FOXRED1: variants seen among roughly 807,000 people sequenced by gnomAD.
FOXRED1 encodes FAD dependent oxidoreductase domain containing 1, also known as FAD-dependent oxidoreductase domain-containing protein 1.
A neutral mutation model predicts 57.8 loss-of-function variants in FOXRED1; 52 were observed. The observed-to-expected ratio is 0.90, with a 90% CI of 0.72 to 1.13. FOXRED1 has a LOEUF of 1.13. Among genes scored for constraint, FOXRED1 ranks in the 50% most tolerant of loss-of-function variants. The pLI, the probability that FOXRED1 is intolerant of heterozygous loss-of-function variation, is 0.00. For missense variants in FOXRED1, 589 were observed against 625.2 expected (o/e 0.94, Z 0.62); for synonymous variants, 271 against 248.3 (o/e 1.09, Z -0.86).
In FOXRED1 at chr11:126,271,659, T is replaced by G. The variant is rs1389667497; in HGVS notation, c.306+2T>G. 4 of 1,611,784 alleles carry G rather than the reference T, an allele frequency of 2.5e-6. No individual in the cohort carries two copies. The highest frequency in any genetic ancestry group is 3.4e-6 in the Non-Finnish European group (4 of 1,178,618). ...CTAGTGGTGGAACGGGACCACACGG[T>G]GAGGTCTGGGGTAGGGCAGAGTCAT... is the stretch of plus-strand genomic sequence containing the variant. On this transcript the variant is annotated splice_donor_variant, in intron 2 of 10. Transcript: ENST00000263578. LOFTEE classifies it high-confidence loss of function. This position sits in a 1 kb window ranked among gnomAD's most constrained non-coding sequence, Gnocchi z 5.3.
At position 126,275,921 on chromosome 11, in the gene FOXRED1, G is replaced by A. The variant is rs1409317584; in HGVS notation, c.810+51G>A. Reference sequence around the variant, plus strand: ...TTACCAAAATGGAGGGACAGGGAAGGTAGTGACTCTCCTTGTTTTGGTTTT... The same window carrying A: ...TTACCAAAATGGAGGGACAGGGAAGATAGTGACTCTCCTTGTTTTGGTTTT... On this transcript the variant is annotated intron_variant, in intron 7 of 10. Transcript: ENST00000263578. The surrounding 1 kb of genome is among the most constrained non-coding windows in gnomAD (Gnocchi z 5.9). The A allele has an allele frequency of 5.2e-6, 8 of 1,535,692 alleles. No individual in the cohort carries two copies. The highest frequency in any genetic ancestry group is 7.2e-6 in the Non-Finnish European group (8 of 1,108,712).
In FOXRED1 at chr11:126,276,060, T is replaced by G. The variant is rs1008727781; in HGVS notation, c.812T>G (p.Val271Gly). Residue 271 changes from valine to glycine, a missense_variant and splice_region_variant, in exon 8 of 11, where the codon GTG becomes GGG. Transcript: ENST00000263578. ...VVLKRIHEVHVKMDRSLEYQP... is the reference protein window; with the variant it reads ...VVLKRIHEVHGKMDRSLEYQP... ...CTCCTCACCCTCTGGTGTCTGCAGG[T>G]GAAGATGGACCGCAGCCTGGAGTAC... 6 of 1,612,508 alleles carry G rather than the reference T, an allele frequency of 3.7e-6. No homozygotes were observed. In the African/African-American group the frequency reaches 6.7e-5, roughly 18 times the overall value.
chr11:126,275,386 G>A lies in FOXRED1; in HGVS notation c.691G>A (p.Val231Ile), dbSNP rs36109211. 6.8e-6 allele frequency: 11 copies of A among 1,613,888 alleles called. No individual in the cohort carries two copies. The African/African-American group carries it at 8.0e-5, about 12-fold the overall frequency. Residue 231 changes from valine to isoleucine, a missense_variant, in exon 6 of 11, where the codon GTC becomes ATC. Physicochemically the swap from Val to Ile is conservative, Grantham distance 29 (BLOSUM62 3). Coordinates refer to ENST00000263578, the MANE Select transcript of FOXRED1 (RefSeq NM_017547.4). This position sits in a 1 kb window ranked among gnomAD's most constrained non-coding sequence, Gnocchi z 5.9. ...TCTGCTCCAGGGGCTTCGGCGAAAG[G>A]TCCAGTCCTTGGGAGTCCTTTTCTG... ...WCLLQGLRRK[V>I]QSLGVLFCQG... is the part of the protein sequence containing the mutation.
At position 126,275,393 on chromosome 11, in the gene FOXRED1, C is replaced by T. The variant is rs1951101466; in HGVS notation, c.698C>T (p.Ser233Phe). ...LLQGLRRKVQ[S>F]LGVLFCQGEV... ...CAGGGGCTTCGGCGAAAGGTCCAGTCCTTGGGAGTCCTTTTCTGCCAGGGA... is the reference window on the plus strand; with the variant it reads ...CAGGGGCTTCGGCGAAAGGTCCAGTTCTTGGGAGTCCTTTTCTGCCAGGGA... Residue 233 changes from serine (S) to phenylalanine (F), a missense_variant, in exon 6 of 11, where the codon TCC becomes TTC. Ser to Phe is a radical substitution (Grantham distance 155). Transcript: ENST00000263578. The surrounding 1 kb of genome is among the most constrained non-coding windows in gnomAD (Gnocchi z 5.9). The T allele has an allele frequency of 1.9e-6, 3 of 1,613,824 alleles. No individual in the cohort carries two copies. The highest frequency in any genetic ancestry group is 2.5e-6 in the Non-Finnish European group (3 of 1,179,758).
rs113109739 is a variant in FOXRED1, at chr11:126,276,798, C to A, written c.1102-273C>A. ...GGCTGAGGCAGGAGAATCACTGGAACCCGGGAGGCTGAGGTTGCAGTGAGC... is the reference window on the plus strand; with the variant it reads ...GGCTGAGGCAGGAGAATCACTGGAAACCGGGAGGCTGAGGTTGCAGTGAGC... On this transcript the variant is annotated intron_variant, in intron 9 of 10. Coordinates refer to ENST00000263578, the MANE Select transcript of FOXRED1 (RefSeq NM_017547.4). The A allele has an allele frequency of 0.015, 7,367 of 487,754 alleles. 62 individuals carry two copies. Among genetic ancestry groups the A allele is most frequent in the Non-Finnish European group, 0.022 (5,993 of 266,948 alleles). 30.2% of individuals were successfully genotyped at this position (487,754 alleles called of 1,614,324 possible). A position where few individuals can be genotyped will look rare whatever the true frequency, so the allele number is the denominator to read the frequency against.
intron 9 of FOXRED1, 107 bp from the exon 10 acceptor site, chr11:126,276,964 T>C: frequency 1.3e-6 from 1 of 782,406 alleles, no homozygotes; most frequent in Non-Finnish European, 2.3e-6. Flanking sequence ...AGATTTGAAC[T>C]GGGACCATTT....
chr11:126,277,833 A>C lies in FOXRED1; in HGVS notation c.*144A>C. 1.1e-6 allele frequency: 1 copy of C among 901,588 alleles called. No individual in the cohort carries two copies. The highest frequency in any genetic ancestry group is 1.8e-6 in the Non-Finnish European group (1 of 555,158). The allele number at this position is 901,588 out of a possible 1,614,324, so 55.8% of individuals were successfully genotyped here. ...TCCTCTCAGGCAGGCCATTGCACCC[A>C]TATGGCTGGGCAGGCACAGGCAGTG... On this transcript the variant is annotated 3_prime_UTR_variant, in exon 11 of 11. Coordinates refer to ENST00000263578, the MANE Select transcript of FOXRED1 (RefSeq NM_017547.4). This position sits in a 1 kb window ranked among gnomAD's most constrained non-coding sequence, Gnocchi z 6.8.
At position 126,271,449 on chromosome 11, in the gene FOXRED1, A is replaced by G. The variant is rs1000901882; in HGVS notation, c.98A>G (p.Lys33Arg). ...RGGFSLDWDG[K>R]VSEIKKKIKS... is the part of the protein sequence containing the mutation. ...CTACATCCCACAGACTGGGATGGAA[A>G]GGTGTCTGAGATTAAGAAGAAGATC... is the stretch of plus-strand genomic sequence containing the variant. The change falls in exon 2 of 11, where the codon AAG (lysine) becomes AGG (arginine). Residue 33 changes from lysine to arginine, a missense_variant. Coordinates refer to ENST00000263578, the MANE Select transcript of FOXRED1 (RefSeq NM_017547.4). This position sits in a 1 kb window ranked among gnomAD's most constrained non-coding sequence, Gnocchi z 5.3. The G allele has an allele frequency of 1.5e-5, 25 of 1,613,212 alleles. No homozygotes were observed. The highest frequency in any genetic ancestry group is 2.0e-5 in the Non-Finnish European group (24 of 1,179,310).
In FOXRED1 at chr11:126,272,933, T is replaced by A. The variant is rs756285292; in HGVS notation, c.307-36T>A. The A allele has an allele frequency of 4.1e-6, 4 of 978,888 alleles. No individual in the cohort carries two copies. The highest frequency in any genetic ancestry group is 5.0e-6 in the Non-Finnish European group (3 of 599,314). The allele number at this position is 978,888 out of a possible 1,614,324, so 60.6% of individuals were successfully genotyped here. A position where few individuals can be genotyped will look rare whatever the true frequency, so the allele number is the denominator to read the frequency against. On this transcript the variant is annotated intron_variant, in intron 2 of 10. Coordinates refer to ENST00000263578, the MANE Select transcript of FOXRED1 (RefSeq NM_017547.4). This position sits in a 1 kb window ranked among gnomAD's most constrained non-coding sequence, Gnocchi z 4.6. The stretch of plus-strand genomic sequence containing the variant: ...AGTATTCTAGTCACATGTGATAGGG[T>A]ACTGGTCTACCTCAACTTTTCTTGT...
intron 1 of FOXRED1, among the ~76,000 whole-genome samples, chr11:126,269,986 CAAAAAAAAAAAA>C (rs58199526): frequency 1.2e-4 from 9 of 72,342 alleles, no homozygotes; most frequent in Admixed American, 3.2e-4. Context: ...AACTCCGTCT[CAAAAAAAAAAAA>C]AAAAAAAAAA....
At position 126,272,317 on chromosome 11, in the gene FOXRED1, A is replaced by G. The variant is rs1951013648; in HGVS notation, c.307-652A>G. Among the ~76,000 whole-genome samples the G allele has an allele frequency of 6.8e-6, 1 of 147,964 alleles. No individual in the cohort carries two copies. On this transcript the variant is annotated intron_variant, in intron 2 of 10. Transcript: ENST00000263578. This position sits in a 1 kb window ranked among gnomAD's most constrained non-coding sequence, Gnocchi z 4.6. ...TCTGAGGTTTTTTGCATTTTATTGT[A>G]TTTATTTATTTCGAGACAGGGTCTC...
chr11:126,271,547 G>A lies in FOXRED1; in HGVS notation c.196G>A (p.Val66Met), dbSNP rs992832834. Residue 66 changes from valine to methionine, a missense_variant, in exon 2 of 11, where the codon GTG becomes ATG. Coordinates refer to ENST00000263578, the MANE Select transcript of FOXRED1 (RefSeq NM_017547.4). The surrounding 1 kb of genome is among the most constrained non-coding windows in gnomAD (Gnocchi z 5.3). ...TSHLPPEHSD[V>M]VIVGGGVLGL... ...CCACCTGCCTCCCGAGCACTCGGAT[G>A]TGGTGATCGTGGGAGGTGGGGTGCT... 3.1e-6 allele frequency: 5 copies of A among 1,614,232 alleles called. No individual in the cohort carries two copies. The highest frequency in any genetic ancestry group is 3.4e-6 in the Non-Finnish European group (4 of 1,180,030).
chr11:126,274,022 G>T lies in FOXRED1; in HGVS notation c.536+568G>T. 1 of 165,844 alleles carries T rather than the reference G, an allele frequency of 6.0e-6. No homozygotes were observed. The highest frequency in any genetic ancestry group is 5.5e-5 in the Admixed American group (1 of 18,028). The allele number at this position is 165,844 out of a possible 1,614,324, so 10.3% of individuals were successfully genotyped here. ...TGCAATATGGCCAGAGGCTTTATTT[G>T]TATGTTTATTTAACAAACACCCAAG... On this transcript the variant is annotated intron_variant, in intron 4 of 10. Coordinates refer to ENST00000263578, the MANE Select transcript of FOXRED1 (RefSeq NM_017547.4). This position sits in a 1 kb window ranked among gnomAD's most constrained non-coding sequence, Gnocchi z 4.8.
rs764307797 is a variant in FOXRED1 at position 126,277,458 on chromosome 11, T to C, written c.1230T>C (p.Tyr410=). The change falls in exon 11 of 11, where the codon TAT becomes TAC. Residue 410 remains tyrosine (Y), a synonymous_variant. Transcript: ENST00000263578. The surrounding 1 kb of genome is among the most constrained non-coding windows in gnomAD (Gnocchi z 6.8). ...AGGTTCAGAGCGCCTGGGCCGGCTATTACGACTACAACACCTTTGACCAGA... is the reference window on the plus strand; with the variant it reads ...AGGTTCAGAGCGCCTGGGCCGGCTACTACGACTACAACACCTTTGACCAGA... The part of the protein sequence containing the change: ...TLKVQSAWAG[Y]YDYNTFDQNG... 24 of 1,613,138 alleles carry C rather than the reference T, an allele frequency of 1.5e-5. No individual in the cohort carries two copies. The South Asian group carries it at 2.3e-4, about 15-fold the overall frequency.
In FOXRED1 at chr11:126,272,588, G is replaced by C. The variant is rs555326991; in HGVS notation, c.307-381G>C. On this transcript the variant is annotated intron_variant, in intron 2 of 10. Transcript: ENST00000263578. The surrounding 1 kb of genome is among the most constrained non-coding windows in gnomAD (Gnocchi z 4.6). Reference sequence around the variant, plus strand: ...ATTACAGGCATGAGCCACCCACCCGGCTGGTTTTTACACTTTAGGTGTTCC... The same window carrying C: ...ATTACAGGCATGAGCCACCCACCCGCCTGGTTTTTACACTTTAGGTGTTCC... 6.4e-6 allele frequency: 2 copies of C among 313,050 alleles called. No individual in the cohort carries two copies. Among genetic ancestry groups the C allele is most frequent in the South Asian group, 5.9e-5 (2 of 33,982 alleles). The allele number at this position is 313,050 out of a possible 1,614,324, so 19.4% of individuals were successfully genotyped here. A position where few individuals can be genotyped will look rare whatever the true frequency, so the allele number is the denominator to read the frequency against.
In FOXRED1 at chr11:126,275,949, T is replaced by C; in HGVS notation, c.810+79T>C. Reference sequence around the variant, plus strand: ...GTGACTCTCCTTGTTTTGGTTTTCTTTGACCCACTTTCCAGTATGGGTAAA... The same window carrying C: ...GTGACTCTCCTTGTTTTGGTTTTCTCTGACCCACTTTCCAGTATGGGTAAA... On this transcript the variant is annotated intron_variant, in intron 7 of 10. Coordinates refer to ENST00000263578, the MANE Select transcript of FOXRED1 (RefSeq NM_017547.4). This position sits in a 1 kb window ranked among gnomAD's most constrained non-coding sequence, Gnocchi z 5.9. The C allele has an allele frequency of 7.6e-6, 12 of 1,572,874 alleles. No individual in the cohort carries two copies. The highest frequency in any genetic ancestry group is 1.0e-5 in the Non-Finnish European group (12 of 1,143,048).
chr11:126,271,127 A>C lies in FOXRED1; in HGVS notation c.86-310A>C, dbSNP rs1459646669. The C allele has an allele frequency of 5.9e-5, 22 of 372,124 alleles. No individual in the cohort carries two copies. Among genetic ancestry groups the C allele is most frequent in the Middle Eastern group, 9.1e-4 (1 of 1,100 alleles). The allele number at this position is 372,124 out of a possible 1,614,324, so 23.1% of individuals were successfully genotyped here. A position where few individuals can be genotyped will look rare whatever the true frequency, so the allele number is the denominator to read the frequency against. On this transcript the variant is annotated intron_variant, in intron 1 of 10. Coordinates refer to ENST00000263578, the MANE Select transcript of FOXRED1 (RefSeq NM_017547.4). This position sits in a 1 kb window ranked among gnomAD's most constrained non-coding sequence, Gnocchi z 5.3. Reference sequence around the variant, plus strand: ...CAAGGCCTGGAAGACCCAAGTGGGGATGACAGTGCAGTTGAATATGTGAGT... The same window carrying C: ...CAAGGCCTGGAAGACCCAAGTGGGGCTGACAGTGCAGTTGAATATGTGAGT...
At position 126,274,777 on chromosome 11, in the gene FOXRED1, G is replaced by A. The variant is rs76397788; in HGVS notation, c.537-150G>A. On this transcript the variant is annotated intron_variant, in intron 4 of 10. Coordinates refer to ENST00000263578, the MANE Select transcript of FOXRED1 (RefSeq NM_017547.4). The surrounding 1 kb of genome is among the most constrained non-coding windows in gnomAD (Gnocchi z 4.8). The stretch of plus-strand genomic sequence containing the variant: ...TGACTAGGAGGCTTGGTCTTCAGCC[G>A]CTCAGCAATGAGGAAAAATAGGGGC... 719 of 706,474 alleles carry A rather than the reference G, an allele frequency of 1.0e-3. 2 individuals are homozygous for A. The highest frequency in any genetic ancestry group is 9.0e-3 in the African/African-American group (514 of 57,374). 43.8% of individuals were successfully genotyped at this position (706,474 alleles called of 1,614,324 possible).
At position 126,272,777 on chromosome 11, in the gene FOXRED1, C is replaced by A; in HGVS notation, c.307-192C>A. 1.5e-6 allele frequency: 1 copy of A among 652,686 alleles called. No homozygotes were observed. Among genetic ancestry groups the A allele is most frequent in the Non-Finnish European group, 2.8e-6 (1 of 359,616 alleles). 40.4% of individuals were successfully genotyped at this position (652,686 alleles called of 1,614,324 possible). A position where few individuals can be genotyped will look rare whatever the true frequency, so the allele number is the denominator to read the frequency against. On this transcript the variant is annotated intron_variant, in intron 2 of 10. Transcript: ENST00000263578. This position sits in a 1 kb window ranked among gnomAD's most constrained non-coding sequence, Gnocchi z 4.6. ...CTTTCCAGATGACTGACCCTCTCTG[C>A]TCTGCACATCCACTACTAATGATTT...
Sources: gnomAD v4.1 joint callset for allele counts (sites outside exome capture counted in the v4.1 genomes callset) on GRCh38, gnomAD v4.1.1 for gene constraint, Gnocchi (gnomAD v3.1) non-coding constraint, MANE v1.5 for transcripts, NCBI Gene and HGNC (gene_info 2026-07-23, HGNC 2026-07-21) for gene names.